Variants in TTC39C observed in about 807,000 individuals in gnomAD.
TTC39C encodes tetratricopeptide repeat domain 39C.
A neutral mutation model predicts 76.3 loss-of-function variants in TTC39C; 33 were observed. That is an observed-to-expected ratio of 0.43 (90% CI 0.33 to 0.58). TTC39C has a LOEUF of 0.58. TTC39C is among the 20% of genes least tolerant of loss of function. The pLI is 0.04. For synonymous variants in TTC39C, 254 were observed against 260.6 expected (o/e 0.97, Z 0.24); for missense variants, 595 against 701.4 (o/e 0.85, Z 1.71).
In TTC39C at chr18:24,064,134, T is replaced by C; in HGVS notation, c.168-6T>C. 1 of 1,613,780 alleles carries C rather than the reference T, an allele frequency of 6.2e-7. No homozygotes were observed. The highest frequency in any genetic ancestry group is 8.5e-7 in the Non-Finnish European group (1 of 1,179,884). ...TTTTGTGTGTGTGTGTGTGTTTTTT[T>C]AACAGAAATCATAGCCCACTAATGA... On this transcript the variant is annotated splice_region_variant and splice_polypyrimidine_tract_variant and intron_variant, in intron 1 of 13. Coordinates refer to ENST00000317571, the MANE Select transcript of TTC39C (RefSeq NM_001135993.2).
At chr18:24,066,414 A>T (rs752904952) in intron 3 of TTC39C, among the ~76,000 whole-genome samples, 1 of 152,150 alleles carries the variant, frequency 6.6e-6, no homozygotes, top group Non-Finnish European at 1.5e-5. Flanking sequence ...TGTTTTAATG[A>T]GGTTTTCCTA....
At chr18:24,002,682 A>G (rs2083322953) in intron 1 of TTC39C, among the ~76,000 whole-genome samples, 2 of 152,184 alleles carry the variant, frequency 1.3e-5, no homozygotes, top group African/African-American at 4.8e-5. Flanking sequence ...CAAAATGAAG[A>G]ACTTGCTCTC....
chr18:24,011,144 A>T (rs972616512), upstream of TTC39C, among the ~76,000 whole-genome samples: 1 of 152,092 alleles, frequency 6.6e-6, no homozygotes, highest in Non-Finnish European at 1.5e-5. Flanking sequence ...TCCATTCCCT[A>T]CCTCTCTTTT....
intron 6 of TTC39C, among the ~76,000 whole-genome samples, chr18:24,109,202 A>G (rs939937352): frequency 2.7e-5 from 4 of 150,144 alleles, no homozygotes; most frequent in African/African-American, 1.0e-4. Context: ...AAAAAAAGTT[A>G]AAAAATTAGC....
chr18:24,108,518 A>G (rs2084774194), intron 6 of TTC39C, among the ~76,000 whole-genome samples: 2 of 152,236 alleles, frequency 1.3e-5, no homozygotes, highest in Admixed American at 1.3e-4. Flanking sequence ...GCATTTTTCA[A>G]TAGAACAATA....
intron 10 of TTC39C, among the ~76,000 whole-genome samples, chr18:24,125,991 A>G (rs748417412): frequency 1.3e-5 from 2 of 152,216 alleles, no homozygotes; most frequent in Non-Finnish European, 1.5e-5. Flanking sequence ...GTTTGAGACC[A>G]ACCTGGGCAA....
At chr18:24,115,912 T>C (rs1465598117) in intron 7 of TTC39C, among the ~76,000 whole-genome samples, 1 of 152,248 alleles carries the variant, frequency 6.6e-6, no homozygotes, top group Non-Finnish European at 1.5e-5. Context: ...TGAAAAACTC[T>C]AGCTTTGGTG....
At chr18:24,082,613 T>C (rs931011809) in intron 5 of TTC39C, among the ~76,000 whole-genome samples, 3 of 152,226 alleles carry the variant, frequency 2.0e-5, no homozygotes, top group African/African-American at 7.2e-5. Flanking sequence ...TTCAGAGATT[T>C]ATGTCAGCCA....
chr18:24,056,913 T>G (rs1055606117), intron 1 of TTC39C, among the ~76,000 whole-genome samples: 2 of 152,210 alleles, frequency 1.3e-5, no homozygotes, highest in East Asian at 3.9e-4. Flanking sequence ...GAACTCCTAG[T>G]CTCAAGCAAT....
intron 10 of TTC39C, among the ~76,000 whole-genome samples, chr18:24,128,683 A>G (rs545507217): frequency 6.6e-6 from 1 of 152,322 alleles, no homozygotes; most frequent in East Asian, 1.9e-4. Flanking sequence ...CCTCATACAA[A>G]CATGGAAAGG....
intron 1 of TTC39C, among the ~76,000 whole-genome samples, chr18:24,052,844 G>C (rs924027993): frequency 6.6e-6 from 1 of 152,208 alleles, no homozygotes; most frequent in Non-Finnish European, 1.5e-5. Context: ...TGCAGGGCAT[G>C]GAATTGGACC....
chr18:24,029,845 A>G (rs2083646814), intron 1 of TTC39C, among the ~76,000 whole-genome samples: 1 of 152,266 alleles, frequency 6.6e-6, no homozygotes, highest in Middle Eastern at 3.4e-3. Context: ...ATTTCTTTTC[A>G]TGGCTGAGTA....
At chr18:24,010,089 GT>G (rs2083383473), upstream of TTC39C, among the ~76,000 whole-genome samples, 1 of 152,234 alleles carries the variant, frequency 6.6e-6, no homozygotes, top group East Asian at 1.9e-4. Flanking sequence ...AATTAACAGA[GT>G]TTAATTGAAC....
chr18:24,108,545 C>G (rs906737800), intron 6 of TTC39C, among the ~76,000 whole-genome samples: 2 of 152,126 alleles, frequency 1.3e-5, no homozygotes, highest in African/African-American at 4.8e-5. Flanking sequence ...ATTAGTAGAC[C>G]CCAGGCTTCA....
intron 1 of TTC39C, among the ~76,000 whole-genome samples, chr18:24,046,854 A>G (rs1255376495): frequency 6.6e-6 from 1 of 151,876 alleles, no homozygotes; most frequent in Non-Finnish European, 1.5e-5. Flanking sequence ...GCAAAGCAAT[A>G]TGCTTTTTTC....
At chr18:24,024,607 T>G (rs1280169714) in intron 1 of TTC39C, among the ~76,000 whole-genome samples, 1 of 152,152 alleles carries the variant, frequency 6.6e-6, no homozygotes, top group Non-Finnish European at 1.5e-5. Context: ...AACCAGGCCT[T>G]CTTTGTCAGG....
chr18:24,121,076 A>G (rs1489370509), intron 8 of TTC39C: 2 of 152,212 alleles, frequency 1.3e-5, no homozygotes, highest in Non-Finnish European at 2.9e-5. Flanking sequence ...TTGCATGATC[A>G]TATACCTCTA....
At chr18:24,001,199 G>A (rs1043130228) in intron 1 of TTC39C, among the ~76,000 whole-genome samples, 2 of 152,168 alleles carry the variant, frequency 1.3e-5, no homozygotes, top group Non-Finnish European at 2.9e-5. Flanking sequence ...TCACTGGTCT[G>A]CTCTAGTCTA....
intron 1 of TTC39C, among the ~76,000 whole-genome samples, chr18:24,023,228 A>T (rs2083537546): frequency 6.6e-6 from 1 of 152,060 alleles, no homozygotes; most frequent in African/African-American, 2.4e-5. Context: ...ACCCAATTTG[A>T]GGTGCTCCAG....
Sources: gnomAD v4.1 joint callset for allele counts (sites outside exome capture counted in the v4.1 genomes callset) on GRCh38, gnomAD v4.1.1 for gene constraint, MANE v1.5 for transcripts, NCBI Gene and HGNC (gene_info 2026-07-23, HGNC 2026-07-21) for gene names.